Variants in ARHGAP32 observed in about 807,000 individuals in gnomAD.
The protein encoded by ARHGAP32 is Rho GTPase activating protein 32.
ARHGAP32 carries 51 observed loss-of-function variants against 186.5 expected under a neutral mutation model. That is an observed-to-expected ratio of 0.27 (90% CI 0.22 to 0.35). The LOEUF is 0.35. ARHGAP32 is among the 10% of genes least tolerant of loss of function. ARHGAP32 has a pLI of 1.00. For missense variants in ARHGAP32, 2,186 were observed against 2,623.5 expected, an observed-to-expected ratio of 0.83 and a Z score of 3.64; for synonymous variants, 950 against 964.3, an observed-to-expected ratio of 0.99 and a Z score of 0.27.
At chr11:129,271,274 G>C (rs1945468926) in intron 1 of ARHGAP32, among the ~76,000 whole-genome samples, 1 of 151,870 alleles carries the variant, frequency 6.6e-6, no homozygotes, top group Non-Finnish European at 1.5e-5. Context: ...CCTAGCCTAG[G>C]TTTTTGCCAG....
intron 1 of ARHGAP32, among the ~76,000 whole-genome samples, chr11:129,173,327 C>T (rs1295532260): frequency 6.8e-6 from 1 of 148,074 alleles, no homozygotes; most frequent in Non-Finnish European, 1.5e-5. Flanking sequence ...AATAGACCAA[C>T]CAAAAAAAAA....
At chr11:129,034,773 T>G (rs1591551082) in intron 11 of ARHGAP32, among the ~76,000 whole-genome samples, 1 of 126,846 alleles carries the variant, frequency 7.9e-6, no homozygotes, top group South Asian at 2.5e-4. Context: ...AAACAGGAGA[T>G]CGTGCCACTG....
At chr11:129,172,315 T>C (rs972520428) in intron 1 of ARHGAP32, among the ~76,000 whole-genome samples, 10 of 152,194 alleles carry the variant, frequency 6.6e-5, no homozygotes, top group Non-Finnish European at 1.3e-4. Flanking sequence ...TTGTTATAAA[T>C]AGCTCTTATT....
intron 11 of ARHGAP32, among the ~76,000 whole-genome samples, chr11:129,036,161 C>T (rs922475056): frequency 2.0e-5 from 3 of 151,768 alleles, no homozygotes; most frequent in South Asian, 4.2e-4. Context: ...GGCGGATCAC[C>T]TGAGGTCAGG....
chr11:129,168,610 T>C (rs553298877), intron 1 of ARHGAP32, among the ~76,000 whole-genome samples: 3 of 152,212 alleles, frequency 2.0e-5, no homozygotes, highest in Non-Finnish European at 4.4e-5. Flanking sequence ...GCTGATAGAA[T>C]AAGCAGACAA....
chr11:129,124,983 G>A, intron 2 of ARHGAP32, 89 bp from the exon 3 acceptor site: 1 of 887,548 alleles, frequency 1.1e-6, no homozygotes, highest in African/African-American at 1.7e-5. Context: ...TAATAGTTCT[G>A]CTGACTTTTT....
At chr11:129,100,838 C>T (rs140877271) in intron 5 of ARHGAP32, among the ~76,000 whole-genome samples, 5 of 152,320 alleles carry the variant, frequency 3.3e-5, no homozygotes, top group Non-Finnish European at 7.4e-5. Context: ...AGGGCCTCCA[C>T]CCACCACCCA....
rs901638153 is a variant in ARHGAP32, at chr11:128,974,311, G to A, written c.2886C>T (p.Ala962=). Residue 962 remains alanine, a synonymous_variant, in exon 21 of 23, where the codon GCC becomes GCT. Transcript: ENST00000682385. ...CTATCTGGGTGGGGGATCTATTTGT[G>A]GCATCCCTTTCTTCAACGCATTTGT... ...TWDKCVEERD[A]TNRSPTQIVK... The A allele has an allele frequency of 1.2e-6, 2 of 1,613,968 alleles. No individual in the cohort carries two copies. The highest frequency in any genetic ancestry group is 1.3e-5 in the African/African-American group (1 of 74,888).
chr11:129,072,411 A>G (rs1940897038), intron 6 of ARHGAP32, among the ~76,000 whole-genome samples: 1 of 152,184 alleles, frequency 6.6e-6, no homozygotes, highest in South Asian at 2.1e-4. Context: ...CAAAGTAATC[A>G]CTGGACTTCT....
Position 128,966,728 on chromosome 11 carries a change from C to T in ARHGAP32, c.*2179G>A, listed in dbSNP as rs180995027. ...CTCCCTGGGTTACTTTCTTTAGGCT[C>T]TCAGTTACTTAAAGCCGTGTGTATC... On this transcript the variant is annotated 3_prime_UTR_variant, in exon 23 of 23. Coordinates refer to ENST00000682385, the MANE Select transcript of ARHGAP32 (RefSeq NM_001378024.1). The T allele has an allele frequency of 1.3e-5, 2 of 152,306 alleles. No individual in the cohort carries two copies. Among genetic ancestry groups the T allele is most frequent in the African/African-American group, 4.8e-5 (2 of 41,558 alleles). 9.4% of individuals were successfully genotyped at this position (152,306 alleles called of 1,614,324 possible).
At position 128,974,832 on chromosome 11, in the gene ARHGAP32, G is replaced by T. The variant is rs925367073; in HGVS notation, c.2365C>A (p.Pro789Thr). Residue 789 changes from proline (P) to threonine (T), a missense_variant, in exon 21 of 23, where the codon CCT (proline) becomes ACT (threonine). By Grantham distance (38) the Pro-to-Thr change is conservative. Transcript: ENST00000682385. ...AAGTCAACATCCTCAGCTGAATGAG[G>T]AGACATAAGGGCTGGGATATGAAGC... ...GLLHIPALMS[P>T]HSAEDVDLSP... The T allele has an allele frequency of 5.6e-6, 9 of 1,614,002 alleles. No individual in the cohort carries two copies. Among genetic ancestry groups the T allele is most frequent in the Middle Eastern group, 1.6e-4 (1 of 6,084 alleles).
At chr11:129,061,259 T>G (rs1405439632) in intron 10 of ARHGAP32, among the ~76,000 whole-genome samples, 1 of 152,156 alleles carries the variant, frequency 6.6e-6, no homozygotes, top group South Asian at 2.1e-4. Flanking sequence ...CTTTAAGGCA[T>G]TTTCAGAGAC....
In ARHGAP32 at chr11:129,197,492, T is replaced by C. The variant is rs184608281; in HGVS notation, c.-4-33065A>G. Among the ~76,000 whole-genome samples, 234 of 152,304 alleles carry C rather than the reference T, an allele frequency of 1.5e-3. 2 individuals carry two copies. Among genetic ancestry groups the C allele is most frequent in the East Asian group, 9.6e-4 (5 of 5,194 alleles). On this transcript the variant is annotated intron_variant, in intron 1 of 6. Transcript: ENST00000525234. ...AAGGGGTCAATAAATGTCTCCTTAATTGGGCACCAAGCTTTGTCCACAGAC... is the reference window on the plus strand; with the variant it reads ...AAGGGGTCAATAAATGTCTCCTTAACTGGGCACCAAGCTTTGTCCACAGAC...
chr11:128,996,082 A>C (rs1361193624), intron 12 of ARHGAP32, among the ~76,000 whole-genome samples: 1 of 152,238 alleles, frequency 6.6e-6, no homozygotes, highest in Non-Finnish European at 1.5e-5. Flanking sequence ...AAAAATCACT[A>C]CTATATTTAT....
chr11:129,017,175 G>C (rs904463448), intron 11 of ARHGAP32, among the ~76,000 whole-genome samples: 3 of 152,008 alleles, frequency 2.0e-5, no homozygotes, highest in Non-Finnish European at 4.4e-5. Flanking sequence ...AAAAGTTTAG[G>C]CCAGGCATGG....
upstream of ARHGAP32, among the ~76,000 whole-genome samples, chr11:129,196,633 G>A (rs1401971558): frequency 6.6e-6 from 1 of 152,092 alleles, no homozygotes; most frequent in East Asian, 1.9e-4. Context: ...TTGGATTAAG[G>A]CCCAAACATA....
chr11:129,279,544 GC>G (rs950112855), upstream of ARHGAP32, among the ~76,000 whole-genome samples: 21 of 145,592 alleles, frequency 1.4e-4, no homozygotes, highest in Non-Finnish European at 3.0e-4. Context: ...GCCGGCGCGT[GC>G]CCCCGCCGGA....
intron 6 of ARHGAP32, among the ~76,000 whole-genome samples, chr11:129,091,065 T>C (rs1941565549): frequency 6.6e-6 from 1 of 152,118 alleles, no homozygotes; most frequent in South Asian, 2.1e-4. Context: ...CGACATGTAA[T>C]TCTAATTAAT....
chr11:129,214,127 G>C (rs1424111163), intron 1 of ARHGAP32, among the ~76,000 whole-genome samples: 2 of 152,128 alleles, frequency 1.3e-5, no homozygotes, highest in East Asian at 3.9e-4. Flanking sequence ...AGGAAAGTCT[G>C]AGAAACTGTC....
Sources: gnomAD v4.1 joint callset for allele counts (sites outside exome capture counted in the v4.1 genomes callset) on GRCh38, gnomAD v4.1.1 for gene constraint, MANE v1.5 for transcripts, NCBI Gene and HGNC (gene_info 2026-07-23, HGNC 2026-07-21) for gene names.